Variants in FOXJ3 observed in about 807,000 individuals in gnomAD.
FOXJ3 encodes the protein forkhead box J3.
A neutral mutation model predicts 76.1 loss-of-function variants in FOXJ3; 22 were observed. The observed-to-expected ratio is 0.29, with a 90% CI of 0.21 to 0.41. FOXJ3 has a LOEUF of 0.41. Ranked by LOEUF, FOXJ3 falls within the 10% of genes least tolerant of loss-of-function variation. FOXJ3 has a pLI of 1.00. For synonymous variants in FOXJ3, 269 were observed against 261.2 expected, an observed-to-expected ratio of 1.03 and a Z score of -0.29; for missense variants, 613 against 762.1, an observed-to-expected ratio of 0.80 and a Z score of 2.30.
At chr1:42,271,359 T>C (rs996681011) in intron 3 of FOXJ3, among the ~76,000 whole-genome samples, 13 of 152,060 alleles carry the variant, frequency 8.5e-5, no homozygotes, top group African/African-American at 3.1e-4. Flanking sequence ...GTTAAAACCA[T>C]ATAAAAAGGT....
chr1:42,287,097 T>C (rs927507069), intron 2 of FOXJ3, among the ~76,000 whole-genome samples: 1 of 151,836 alleles, frequency 6.6e-6, no homozygotes, highest in Non-Finnish European at 1.5e-5. Flanking sequence ...TCCCAACACT[T>C]TGGGAGGCCA....
At position 42,191,704 on chromosome 1, in the gene FOXJ3, G is replaced by T; in HGVS notation, c.950C>A (p.Pro317His). The T allele has an allele frequency of 1.2e-6, 2 of 1,611,040 alleles. No individual in the cohort carries two copies. The highest frequency in any genetic ancestry group is 1.7e-6 in the Non-Finnish European group (2 of 1,177,374). ...GTGGGACTGCTGGGAAGATTCAGAA[G>T]GGATGTTCATCAAACCTAAAAACAA... The part of the protein sequence containing the change: ...SLSQQGLMNI[P>H]SESSQQSHTS... The change falls in exon 9 of 13, where the codon CCT becomes CAT. Residue 317 changes from proline to histidine, a missense_variant. By Grantham distance (77) the Pro-to-His change is moderately conservative. Transcript: ENST00000361346.
At chr1:42,221,551 G>GCTCACGCAATCCTCTGGC (rs1553159038) in intron 5 of FOXJ3, among the ~76,000 whole-genome samples, 2 of 152,112 alleles carry the variant, frequency 1.3e-5, no homozygotes, top group East Asian at 3.9e-4. Context: ...AAACTCCTGG[G>GCTCACGCAATCCTCTGGC]CTCACGCAAT....
intron 1 of FOXJ3, among the ~76,000 whole-genome samples, chr1:42,329,182 T>C (rs956265777): frequency 6.6e-6 from 1 of 152,210 alleles, no homozygotes; most frequent in Admixed American, 6.5e-5. Flanking sequence ...TAGAATGTCA[T>C]TGTTATAAAT....
intron 3 of FOXJ3, among the ~76,000 whole-genome samples, chr1:42,267,379 G>A (rs1250307868): frequency 6.6e-6 from 1 of 152,094 alleles, no homozygotes; most frequent in Non-Finnish European, 1.5e-5. Flanking sequence ...GCCCACTGCT[G>A]GAGGAATGTA....
At chr1:42,274,674 C>CACT (rs1652124132) in intron 3 of FOXJ3, among the ~76,000 whole-genome samples, 1 of 151,984 alleles carries the variant, frequency 6.6e-6, no homozygotes, top group Non-Finnish European at 1.5e-5. Context: ...TAGTGCCTGG[C>CACT]AGACAGAAAA....
chr1:42,315,250 T>C (rs566860358), intron 1 of FOXJ3: 24 of 187,294 alleles, frequency 1.3e-4, no homozygotes, highest in African/African-American at 3.3e-4. Flanking sequence ...AATGGCCTAA[T>C]TGATAGTGGT....
At chr1:42,266,682 A>G (rs1651488183) in intron 3 of FOXJ3, among the ~76,000 whole-genome samples, 1 of 152,200 alleles carries the variant, frequency 6.6e-6, no homozygotes. Flanking sequence ...AGGGGTAGGA[A>G]AGGAGACCCA....
chr1:42,275,852 TG>T (rs1174199383), intron 3 of FOXJ3, among the ~76,000 whole-genome samples: 2 of 152,024 alleles, frequency 1.3e-5, no homozygotes, highest in African/African-American at 4.8e-5. Flanking sequence ...AACAGAAGTA[TG>T]GGGCCAGCCT....
intron 2 of FOXJ3, among the ~76,000 whole-genome samples, chr1:42,309,107 T>TTG (rs138115150): frequency 8.0e-4 from 122 of 151,906 alleles, no homozygotes; most frequent in East Asian, 4.3e-3. Context: ...ATTGTTCATT[T>TTG]TGTGTGTGTG....
intron 4 of FOXJ3, among the ~76,000 whole-genome samples, chr1:42,253,763 T>C (rs1353266230): frequency 1.3e-5 from 2 of 151,832 alleles, no homozygotes; most frequent in African/African-American, 2.4e-5. Flanking sequence ...TAGCCATATG[T>C]AGAAAGCTGA....
At chr1:42,224,289 A>C (rs938298952) in intron 5 of FOXJ3, among the ~76,000 whole-genome samples, 5 of 152,236 alleles carry the variant, frequency 3.3e-5, no homozygotes, top group African/African-American at 1.2e-4. Flanking sequence ...TGATAAGATG[A>C]AATAAATTTT....
At chr1:42,261,593 T>C (rs939865453) in intron 4 of FOXJ3, among the ~76,000 whole-genome samples, 5 of 152,260 alleles carry the variant, frequency 3.3e-5, no homozygotes, top group African/African-American at 1.2e-4. Flanking sequence ...GATTCAACAA[T>C]ACACTTCAAG....
chr1:42,314,804 A>G (rs1484175518), intron 1 of FOXJ3, among the ~76,000 whole-genome samples: 1 of 152,242 alleles, frequency 6.6e-6, no homozygotes, highest in Non-Finnish European at 1.5e-5. Context: ...AGCAATTATA[A>G]GCATATACAT....
chr1:42,329,217 T>C (rs1187681091), intron 1 of FOXJ3, among the ~76,000 whole-genome samples: 1 of 152,218 alleles, frequency 6.6e-6, no homozygotes, highest in East Asian at 1.9e-4. Flanking sequence ...TGGTTCCATA[T>C]AACAAAGCTA....
At chr1:42,180,790 C>T (rs1000831925) in intron 12 of FOXJ3, among the ~76,000 whole-genome samples, 9 of 152,134 alleles carry the variant, frequency 5.9e-5, no homozygotes, top group African/African-American at 2.2e-4. Flanking sequence ...ATCCTAACAA[C>T]TCGAGGACAC....
intron 11 of FOXJ3, among the ~76,000 whole-genome samples, chr1:42,182,950 A>G (rs1646353930): frequency 6.6e-6 from 1 of 152,024 alleles, no homozygotes; most frequent in Non-Finnish European, 1.5e-5. Context: ...TGCACATGGT[A>G]AAAGAGCTAC....
chr1:42,188,863 C>A lies in FOXJ3; in HGVS notation c.1519G>T (p.Asp507Tyr). 1 of 1,613,086 alleles carries A rather than the reference C, an allele frequency of 6.2e-7. No individual in the cohort carries two copies. The highest frequency in any genetic ancestry group is 8.5e-7 in the Non-Finnish European group (1 of 1,179,276). The change falls in exon 11 of 13, where the codon GAT becomes TAT. Residue 507 changes from aspartate to tyrosine, a missense_variant. Physicochemically the swap from Asp to Tyr is radical, Grantham distance 160 (BLOSUM62 -3). This residue lies in a region of FOXJ3 where 526 missense variants were observed against 601.4 expected (regional missense o/e 0.87). Coordinates refer to ENST00000361346, the MANE Select transcript of FOXJ3 (RefSeq NM_014947.5). ...NWSLDQVQFA[D>Y]LCSSLNQFFT... ...AACTGATTAAGAGAAGAACAAAGATCGGCAAACTGAACCTGGTCTAAAGAC... is the reference window on the plus strand; with the variant it reads ...AACTGATTAAGAGAAGAACAAAGATAGGCAAACTGAACCTGGTCTAAAGAC...
chr1:42,262,665 A>T (rs780895073), intron 4 of FOXJ3, among the ~76,000 whole-genome samples: 22 of 152,156 alleles, frequency 1.4e-4, no homozygotes, highest in Non-Finnish European at 2.4e-4. Context: ...CTTGGCCAAG[A>T]TGGTGAAACC....
Sources: gnomAD v4.1 joint callset for allele counts (sites outside exome capture counted in the v4.1 genomes callset) on GRCh38, gnomAD v4.1.1 for gene constraint, gnomAD v4.1.1 regional missense constraint, MANE v1.5 for transcripts, NCBI Gene and HGNC (gene_info 2026-07-23, HGNC 2026-07-21) for gene names.